Variants in JAKMIP3 observed in about 807,000 individuals in gnomAD.
The protein encoded by JAKMIP3 is janus kinase and microtubule-interacting protein 3.
In JAKMIP3, 58 loss-of-function variants were observed where a neutral mutation model predicts 118.5. That is an observed-to-expected ratio of 0.49 (90% CI 0.40 to 0.61). The LOEUF is 0.61. Among genes scored for constraint, JAKMIP3 ranks in the 20% least tolerant of loss-of-function variants. The probability of loss-of-function intolerance (pLI) is 0.00; values close to 1 mark genes in which losing one functional copy is unlikely to be tolerated. For missense variants in JAKMIP3, 950 were observed against 1,109.0 expected (o/e 0.86, Z 2.04); for synonymous variants, 486 against 451.2 (o/e 1.08, Z -0.98).
At chr10:132,062,735 G>T (rs1478436350), upstream of JAKMIP3, among the ~76,000 whole-genome samples, 1 of 152,226 alleles carries the variant, frequency 6.6e-6, no homozygotes, top group African/African-American at 2.4e-5. Flanking sequence ...TCTCAGTCAT[G>T]AGACAGAGGG....
At chr10:132,055,554 T>C (rs771229858) in intron 1 of JAKMIP3, among the ~76,000 whole-genome samples, 2 of 152,038 alleles carry the variant, frequency 1.3e-5, no homozygotes, top group Non-Finnish European at 2.9e-5. Context: ...GAAGCAGGAG[T>C]GAAGGAGAGA....
chr10:132,120,691 C>G (rs1201637893), intron 3 of JAKMIP3, among the ~76,000 whole-genome samples: 1 of 152,240 alleles, frequency 6.6e-6, no homozygotes, highest in Non-Finnish European at 1.5e-5. Flanking sequence ...AGGAATCCAG[C>G]CACCGGGACC....
chr10:132,154,103 C>T, intron 19 of JAKMIP3, 113 bp downstream of exon 19: 2 of 776,108 alleles, frequency 2.6e-6, no homozygotes, highest in Non-Finnish European at 4.3e-6. Flanking sequence ...GTCGCAGGGC[C>T]CCTAATGGCC....
Position 132,164,521 on chromosome 10 carries a change from G to A in JAKMIP3, c.2425-149G>A, listed in dbSNP as rs556526498. 7.9e-6 allele frequency: 5 copies of A among 629,788 alleles called. No individual in the cohort carries two copies. The East Asian group carries it at 1.4e-4, about 17-fold the overall frequency. The allele number at this position is 629,788 out of a possible 1,614,324, so 39.0% of individuals were successfully genotyped here. A position where few individuals can be genotyped will look rare whatever the true frequency, so the allele number is the denominator to read the frequency against. On this transcript the variant is annotated intron_variant, in intron 20 of 23. Coordinates refer to ENST00000684848, the MANE Select transcript of JAKMIP3 (RefSeq NM_001323087.2). ...TCTCCTGCCAGAGCAGTGCAGCAAA[G>A]GCTTGTGTCCTCGTCAGGAGCCACG...
intron 3 of JAKMIP3, among the ~76,000 whole-genome samples, chr10:132,131,310 GGGT>G (rs2050528649): frequency 6.6e-6 from 1 of 151,346 alleles, no homozygotes; most frequent in African/African-American, 2.4e-5. Context: ...GGAGCTTATG[GGGT>G]GAGTGTGTGG....
chr10:132,079,938 G>A (rs945774175), intron 1 of JAKMIP3, among the ~76,000 whole-genome samples: 4 of 152,320 alleles, frequency 2.6e-5, no homozygotes, highest in South Asian at 2.1e-4. Flanking sequence ...GGTGGGTGGC[G>A]TCTGCCTCTA....
At chr10:132,147,217 C>T (rs1370730422) in intron 13 of JAKMIP3, among the ~76,000 whole-genome samples, 4 of 152,190 alleles carry the variant, frequency 2.6e-5, no homozygotes, top group Admixed American at 2.6e-4. Flanking sequence ...TCCAAGGATG[C>T]AATGCTTCTG....
At chr10:132,068,604 G>A (rs189666890) in intron 1 of JAKMIP3, among the ~76,000 whole-genome samples, 3 of 152,302 alleles carry the variant, frequency 2.0e-5, no homozygotes, top group East Asian at 1.9e-4. Context: ...TTTGGGAGCC[G>A]GAGACTGGAG....
intron 1 of JAKMIP3, among the ~76,000 whole-genome samples, chr10:132,093,969 CTG>C (rs2043479061): frequency 8.1e-6 from 1 of 123,326 alleles, no homozygotes; most frequent in Non-Finnish European, 1.6e-5. Flanking sequence ...GAGTCTTACT[CTG>C]TCACCCAGGC....
chr10:132,104,668 C>G lies in JAKMIP3; in HGVS notation c.-137-4C>G. 1 of 838,220 alleles carries G rather than the reference C, an allele frequency of 1.2e-6. No homozygotes were observed. Among genetic ancestry groups the G allele is most frequent in the Non-Finnish European group, 1.9e-6 (1 of 536,824 alleles). The allele number at this position is 838,220 out of a possible 1,614,324, so 51.9% of individuals were successfully genotyped here. A position where few individuals can be genotyped will look rare whatever the true frequency, so the allele number is the denominator to read the frequency against. The stretch of plus-strand genomic sequence containing the variant: ...TGCTCACCGCGGTGTGCTTTCCCCT[C>G]CAGGTGAATGAGAAGATGTAGTGTG... On this transcript the variant is annotated splice_region_variant and splice_polypyrimidine_tract_variant and intron_variant, in intron 1 of 23. Transcript: ENST00000684848.
chr10:132,143,205 C>T (rs1446469041), intron 11 of JAKMIP3, among the ~76,000 whole-genome samples: 2 of 152,048 alleles, frequency 1.3e-5, no homozygotes, highest in South Asian at 2.1e-4. Context: ...GATTTGTCTC[C>T]GTAACTGGGG....
chr10:132,164,736 G>A lies in JAKMIP3; in HGVS notation c.2490+1G>A. ...ACAAATAAAGGAACTGGAGGAAAAG[G>A]TAAAACAAATGCAGTTTTGGGGGTT... On this transcript the variant is annotated splice_donor_variant, in intron 21 of 23. Transcript: ENST00000684848. LOFTEE classifies it high-confidence loss of function. 6.3e-7 allele frequency: 1 copy of A among 1,599,550 alleles called. No homozygotes were observed. The highest frequency in any genetic ancestry group is 1.1e-5 in the South Asian group (1 of 90,798).
chr10:132,136,209 C>A, intron 6 of JAKMIP3, 133 bp downstream of exon 6: 4 of 933,334 alleles, frequency 4.3e-6, no homozygotes, highest in Non-Finnish European at 6.4e-6. Context: ...TGGAGTCTGG[C>A]CTCACGCATG....
chr10:132,169,687 G>A (rs12261429), intron 23 of JAKMIP3, among the ~76,000 whole-genome samples: 1,880 of 152,300 alleles, frequency 0.012, 44 homozygotes, highest in African/African-American at 0.04. Context: ...GACCCACACC[G>A]TGTCTGAGAG....
chr10:132,115,371 A>G (rs1220297237), intron 2 of JAKMIP3, among the ~76,000 whole-genome samples: 1 of 152,166 alleles, frequency 6.6e-6, no homozygotes, highest in Non-Finnish European at 1.5e-5. Flanking sequence ...CCTGCTACCG[A>G]TGGGCTGGGA....
In JAKMIP3 at chr10:132,112,740, C is replaced by T. The variant is rs1263667843; in HGVS notation, c.136-4337C>T. On this transcript the variant is annotated intron_variant, in intron 2 of 23. Coordinates refer to ENST00000684848, the MANE Select transcript of JAKMIP3 (RefSeq NM_001323087.2). The surrounding 1 kb of genome is among the most constrained non-coding windows in gnomAD (Gnocchi z 4.3). ...GATTCGGATTCTCCTTGTCCACAGC[C>T]ACGTGTCTCCTTGGACAGGGCAGCT... 6.6e-6 allele frequency among the ~76,000 whole-genome samples: 1 copy of T among 152,136 alleles called. No homozygotes were observed. Among genetic ancestry groups the T allele is most frequent in the Admixed American group, 6.5e-5 (1 of 15,276 alleles).
At chr10:132,042,184 C>CTTCCT (rs1554909339) in intron 1 of JAKMIP3, among the ~76,000 whole-genome samples, 11,983 of 132,144 alleles carry the variant, frequency 0.091, 1,111 homozygotes, top group African/African-American at 0.23. Context: ...TGCTCGCTCG[C>CTTCCT]TCCTTCCTTC....
chr10:132,124,854 C>T (rs2049213586), intron 3 of JAKMIP3, among the ~76,000 whole-genome samples: 1 of 152,256 alleles, frequency 6.6e-6, no homozygotes, highest in Admixed American at 6.5e-5. Context: ...CCCTCTCGTT[C>T]TACATCCTCA....
At chr10:132,138,670 T>C (rs2052441650) in intron 9 of JAKMIP3, among the ~76,000 whole-genome samples, 1 of 152,226 alleles carries the variant, frequency 6.6e-6, no homozygotes, top group Admixed American at 6.5e-5. Context: ...TAGGAATTGG[T>C]AACAACCATA....
Sources: allele counts gnomAD v4.1 joint callset (sites outside exome capture counted in the v4.1 genomes callset), GRCh38; gene constraint gnomAD v4.1.1; non-coding constraint Gnocchi (gnomAD v3.1); transcripts MANE v1.5; gene names NCBI Gene and HGNC (gene_info 2026-07-23, HGNC 2026-07-21).